Variants in NEUROG2 observed in about 807,000 individuals in gnomAD.
The protein encoded by NEUROG2 is neurogenin 2.
Under a neutral mutation model 2.8 loss-of-function variants are expected in NEUROG2, and 1 was observed. The observed-to-expected ratio is 0.36, with a 90% CI of 0.13 to 1.71. The LOEUF (loss-of-function observed/expected upper bound fraction) is 1.71, where lower values mean the gene tolerates loss of function less well. Among genes scored for constraint, NEUROG2 ranks in the 40% most tolerant of loss-of-function variants. NEUROG2 has a pLI of 0.34. For synonymous variants in NEUROG2, 211 were observed against 187.7 expected, an observed-to-expected ratio of 1.12 and a Z score of -1.01; for missense variants, 397 against 392.7, an observed-to-expected ratio of 1.01 and a Z score of -0.09.
At position 112,515,173 on chromosome 4, in the gene NEUROG2, C is replaced by T; in HGVS notation, c.303G>A (p.Lys101=). 1 of 1,612,922 alleles carries T rather than the reference C, an allele frequency of 6.2e-7. No homozygotes were observed. The change falls in exon 2 of 2, where the codon AAG becomes AAA. Residue 101 remains lysine, a synonymous_variant. Transcript: ENST00000313341. ...TGATGCGCTGCACCGTCTCGGCCGT[C>T]TTGGCGCCTCGGGAGACGGCCCGCG... The part of the protein sequence containing the change: ...SRARAVSRGA[K]TAETVQRIKK...
At position 112,515,338 on chromosome 4, in the gene NEUROG2, G is replaced by GTGTAGAT; in HGVS notation, c.137_138insATCTACA (p.Ala47SerfsTer14). The GTGTAGAT allele has an allele frequency of 1.4e-6, 2 of 1,446,032 alleles. No homozygotes were observed. Among genetic ancestry groups the GTGTAGAT allele is most frequent in the South Asian group, 1.6e-5 (1 of 63,520 alleles). The allele number at this position is 1,446,032 out of a possible 1,614,324, so 89.6% of individuals were successfully genotyped here. A position where few individuals can be genotyped will look rare whatever the true frequency, so the allele number is the denominator to read the frequency against. On this transcript the variant is annotated frameshift_variant, in exon 2 of 2. Coordinates refer to ENST00000313341, the MANE Select transcript of NEUROG2 (RefSeq NM_024019.4). LOFTEE classifies it low-confidence loss of function (END_TRUNC). ...GCTGCCGACGCGCCCCGCCTGACGCGCCCGGCTCCTCCTCCTCTTCTTCGT... is the reference window on the plus strand; with the variant it reads ...GCTGCCGACGCGCCCCGCCTGACGCGTGTAGATCCCGGCTCCTCCTCCTCTTCTTCGT...
rs372471017 is a variant in NEUROG2, at chr4:112,514,707, C to G, written c.769G>C (p.Asp257His). 1 of 1,518,018 alleles carries G rather than the reference C, an allele frequency of 6.6e-7. No homozygotes were observed. The highest frequency in any genetic ancestry group is 2.3e-5 in the Admixed American group (1 of 43,928). 94.0% of individuals were successfully genotyped at this position (1,518,018 alleles called of 1,614,324 possible). ...AGGTGAGGTGCATAGCGGTGCTTGT[C>G]GGGAGGTGGGGGCTGCCAATAGTCC... ...DMDYWQPPPP[D>H]KHRYAPHLPI... Residue 257 changes from aspartate (D) to histidine (H), a missense_variant, in exon 2 of 2, where the codon GAC (aspartate) becomes CAC (histidine). Coordinates refer to ENST00000313341, the MANE Select transcript of NEUROG2 (RefSeq NM_024019.4).
rs1736378196 is a variant in NEUROG2, at chr4:112,514,452, G to GT, written c.*204dup. 2.3e-6 allele frequency: 1 copy of GT among 434,514 alleles called. No homozygotes were observed. The highest frequency in any genetic ancestry group is 2.0e-5 in the African/African-American group (1 of 49,000). 26.9% of individuals were successfully genotyped at this position (434,514 alleles called of 1,614,324 possible). A position where few individuals can be genotyped will look rare whatever the true frequency, so the allele number is the denominator to read the frequency against. On this transcript the variant is annotated 3_prime_UTR_variant, in exon 2 of 2. Transcript: ENST00000313341. ...GACAATAAGCTCCATCACACCTTCAGTAAATCAGAGCCCGTCTGAATGAAG... is the reference window on the plus strand; with the variant it reads ...GACAATAAGCTCCATCACACCTTCAGTTAAATCAGAGCCCGTCTGAATGAAG...
At position 112,516,123 on chromosome 4, in the gene NEUROG2, C is replaced by T. The variant is rs1262782168; in HGVS notation, c.-278G>A. The T allele has an allele frequency of 6.5e-6, 1 of 153,118 alleles. No individual in the cohort carries two copies. The highest frequency in any genetic ancestry group is 2.4e-5 in the African/African-American group (1 of 41,448). 9.5% of individuals were successfully genotyped at this position (153,118 alleles called of 1,614,324 possible). A position where few individuals can be genotyped will look rare whatever the true frequency, so the allele number is the denominator to read the frequency against. On this transcript the variant is annotated 5_prime_UTR_variant, in exon 1 of 2. Coordinates refer to ENST00000313341, the MANE Select transcript of NEUROG2 (RefSeq NM_024019.4). ...TGGCCGTGCGGCTCCTGGCACGCGACTCCCAGGCACTCCAGTTAACGCGAA... is the reference window on the plus strand; with the variant it reads ...TGGCCGTGCGGCTCCTGGCACGCGATTCCCAGGCACTCCAGTTAACGCGAA...
At position 112,515,029 on chromosome 4, in the gene NEUROG2, G is replaced by A. The variant is rs1211176989; in HGVS notation, c.447C>T (p.Thr149=). 6.2e-7 allele frequency: 1 copy of A among 1,613,880 alleles called. No individual in the cohort carries two copies. Among genetic ancestry groups the A allele is most frequent in the Non-Finnish European group, 8.5e-7 (1 of 1,179,926 alleles). Residue 149 remains threonine, a synonymous_variant, in exon 2 of 2, where the codon ACC becomes ACT. Coordinates refer to ENST00000313341, the MANE Select transcript of NEUROG2 (RefSeq NM_024019.4). The stretch of plus-strand genomic sequence containing the variant: ...GGGCGAAGCGCAGGGTCTCGATCTT[G>A]GTGAGCTTGGCGTCCTCGGGGAACG... ...LPTFPEDAKL[T]KIETLRFAHN... is the part of the protein sequence containing the mutation.
chr4:112,515,081 A>G lies in NEUROG2; in HGVS notation c.395T>C (p.Leu132Pro), dbSNP rs1359826155. The stretch of plus-strand genomic sequence containing the variant: ...GGGGAGCACCTCGCGCAGCGCGTCC[A>G]GTGCCGCGTTGAGGTTGTGCATGCG... ...RNRMHNLNAA[L>P]DALREVLPTF... is the part of the protein sequence containing the mutation. Residue 132 changes from leucine (L) to proline (P), a missense_variant, in exon 2 of 2, where the codon CTG becomes CCG. By Grantham distance (98) the Leu-to-Pro change is moderately conservative (BLOSUM62 -3). Transcript: ENST00000313341. The G allele has an allele frequency of 6.2e-7, 1 of 1,613,956 alleles. No individual in the cohort carries two copies. The highest frequency in any genetic ancestry group is 8.5e-7 in the Non-Finnish European group (1 of 1,179,908).
intron 1 of NEUROG2, 91 bp downstream of exon 1, chr4:112,515,756 A>T (rs1037345386): frequency 3.5e-6 from 1 of 287,106 alleles, no homozygotes; most frequent in Non-Finnish European, 6.5e-6. Context: ...CGCGACAAAG[A>T]TTCTGCGCGG....
At position 112,514,131 on chromosome 4, in the gene NEUROG2, C is replaced by T. The variant is rs1280830909; in HGVS notation, c.*526G>A. On this transcript the variant is annotated 3_prime_UTR_variant, in exon 2 of 2. Coordinates refer to ENST00000313341, the MANE Select transcript of NEUROG2 (RefSeq NM_024019.4). ...GACAGCAATGGGAATAAAGCAGATG[C>T]CAGCCATTGCAAATCTGTGGATAAT... The T allele has an allele frequency of 1.3e-5, 2 of 153,162 alleles. No individual in the cohort carries two copies. The highest frequency in any genetic ancestry group is 1.9e-4 in the East Asian group (1 of 5,212). 9.5% of individuals were successfully genotyped at this position (153,162 alleles called of 1,614,324 possible).
At chr4:112,515,580 CCA>C (rs1736423317) in intron 1 of NEUROG2, 104 bp from the exon 2 acceptor site, 2 of 991,386 alleles carry the variant, frequency 2.0e-6, no homozygotes, top group Non-Finnish European at 2.8e-6. Flanking sequence ...CCCGAGAAGA[CCA>C]GCTCCGAATG....
rs141723232 is a variant in NEUROG2 at position 112,514,877 on chromosome 4, G to A, written c.599C>T (p.Ala200Val). The change falls in exon 2 of 2, where the codon GCC becomes GTC. Residue 200 changes from alanine (A) to valine (V), a missense_variant. By Grantham distance (64) the Ala-to-Val change is moderately conservative. Coordinates refer to ENST00000313341, the MANE Select transcript of NEUROG2 (RefSeq NM_024019.4). The part of the protein sequence containing the change: ...VLLSPGGASA[A>V]LSSSGDSPSP... The stretch of plus-strand genomic sequence containing the variant: ...GGGGCTGTCTCCGCTGCTGCTCAGG[G>A]CGGCGCTGGCTCCTCCCGGGCTCAG... 17 of 1,600,526 alleles carry A rather than the reference G, an allele frequency of 1.1e-5. No homozygotes were observed. The highest frequency in any genetic ancestry group is 9.4e-5 in the African/African-American group (7 of 74,386).
At position 112,514,632 on chromosome 4, in the gene NEUROG2, G is replaced by T; in HGVS notation, c.*25C>A. 1 of 1,487,720 alleles carries T rather than the reference G, an allele frequency of 6.7e-7. No individual in the cohort carries two copies. The highest frequency in any genetic ancestry group is 8.9e-7 in the Non-Finnish European group (1 of 1,119,388). The allele number at this position is 1,487,720 out of a possible 1,614,324, so 92.2% of individuals were successfully genotyped here. On this transcript the variant is annotated 3_prime_UTR_variant, in exon 2 of 2. Transcript: ENST00000313341. ...CAGGAAAGGGAACCCACTAAGGCCT[G>T]GCGTGGGTAGCAGAAATGGCAGCTC...
chr4:112,514,043 C>G lies in NEUROG2; in HGVS notation c.*614G>C, dbSNP rs1736367852. On this transcript the variant is annotated 3_prime_UTR_variant, in exon 2 of 2. Coordinates refer to ENST00000313341, the MANE Select transcript of NEUROG2 (RefSeq NM_024019.4). ...TAGGCATTGTGACGAATCTGGGAAACAGAACAAAGTGCACATCAGAGAGGG... is the reference window on the plus strand; with the variant it reads ...TAGGCATTGTGACGAATCTGGGAAAGAGAACAAAGTGCACATCAGAGAGGG... 6.6e-6 allele frequency: 1 copy of G among 152,598 alleles called. No homozygotes were observed. The highest frequency in any genetic ancestry group is 2.1e-4 in the South Asian group (1 of 4,822). The allele number at this position is 152,598 out of a possible 1,614,324, so 9.5% of individuals were successfully genotyped here.
chr4:112,515,668 G>A, intron 1 of NEUROG2, 179 bp downstream of exon 1: 1 of 422,296 alleles, frequency 2.4e-6, no homozygotes, highest in Non-Finnish European at 4.1e-6. Flanking sequence ...CGCTCGCTGT[G>A]ACCCTGCTGC....
Position 112,514,291 on chromosome 4 carries a change from A to C in NEUROG2, c.*366T>G, listed in dbSNP as rs1174209272. On this transcript the variant is annotated 3_prime_UTR_variant, in exon 2 of 2. Transcript: ENST00000313341. ...CCCCTGTGAGATTCACACGAACTGCACCAAGTCCTTCGGCGTTAAAGAGAA... is the reference window on the plus strand; with the variant it reads ...CCCCTGTGAGATTCACACGAACTGCCCCAAGTCCTTCGGCGTTAAAGAGAA... 4.4e-6 allele frequency: 1 copy of C among 225,718 alleles called. No individual in the cohort carries two copies. The highest frequency in any genetic ancestry group is 9.0e-5 in the East Asian group (1 of 11,054). 14.0% of individuals were successfully genotyped at this position (225,718 alleles called of 1,614,324 possible). A position where few individuals can be genotyped will look rare whatever the true frequency, so the allele number is the denominator to read the frequency against.
In NEUROG2 at chr4:112,514,957, G is replaced by A. The variant is rs1424644643; in HGVS notation, c.519C>T (p.His173=). 6.2e-7 allele frequency: 1 copy of A among 1,612,874 alleles called. No homozygotes were observed. Among genetic ancestry groups the A allele is most frequent in the African/African-American group, 1.3e-5 (1 of 74,820 alleles). ...ALTETLRLAD[H]CGGGGGGLPG... is the part of the protein sequence containing the mutation. ...GCAGGCCCCCGCCGCCGCCCCCGCA[G>A]TGATCCGCCAGGCGCAGGGTCTCGG... Residue 173 remains histidine, a synonymous_variant, in exon 2 of 2, where the codon CAC becomes CAT. Transcript: ENST00000313341.
Position 112,515,209 on chromosome 4 carries a change from G to T in NEUROG2, c.267C>A (p.Arg89=). The change falls in exon 2 of 2, where the codon CGC becomes CGA. Residue 89 remains arginine (R), a synonymous_variant. Transcript: ENST00000313341. ...LLGLVHDCKR[R]PSRARAVSRG... is the part of the protein sequence containing the mutation. ...GGGAGACGGCCCGCGCCCGGGAAGG[G>T]CGCCGTTTGCAATCGTGTACCAGAC... 1.2e-6 allele frequency: 2 copies of T among 1,608,064 alleles called. No homozygotes were observed. Among genetic ancestry groups the T allele is most frequent in the Non-Finnish European group, 1.7e-6 (2 of 1,179,564 alleles).
In NEUROG2 at chr4:112,514,509, C is replaced by T. The variant is rs1736379379; in HGVS notation, c.*148G>A. 1.9e-6 allele frequency: 1 copy of T among 539,316 alleles called. No individual in the cohort carries two copies. The highest frequency in any genetic ancestry group is 2.9e-6 in the Non-Finnish European group (1 of 339,704). The allele number at this position is 539,316 out of a possible 1,614,324, so 33.4% of individuals were successfully genotyped here. A position where few individuals can be genotyped will look rare whatever the true frequency, so the allele number is the denominator to read the frequency against. ...CAAAGCCAAGAAATGCAAGAAACAA[C>T]CGAGGAATCAGAAAGGCTACACCTG... On this transcript the variant is annotated 3_prime_UTR_variant, in exon 2 of 2. Coordinates refer to ENST00000313341, the MANE Select transcript of NEUROG2 (RefSeq NM_024019.4).
At chr4:112,515,561 C>A in intron 1 of NEUROG2, 85 bp from the exon 2 acceptor site, 1 of 1,214,546 alleles carries the variant, frequency 8.2e-7, no homozygotes, top group South Asian at 1.8e-5. Context: ...GGGCGTGCTC[C>A]GGCGCGCACC....
rs1441659337 is a variant in NEUROG2, at chr4:112,515,282, C to T, written c.194G>A (p.Gly65Asp). Residue 65 changes from glycine (G) to aspartate (D), a missense_variant, in exon 2 of 2, where the codon GGC (glycine) becomes GAC (aspartate). Transcript: ENST00000313341. ...GCCCTCCGCACCCGCAGCCACGCCG[C>T]CCCGCGCCCCCTGCCCGGCCTCAGC... ...RGAEAGQGARGGVAAGAEGCR... is the reference protein window; with the variant it reads ...RGAEAGQGARDGVAAGAEGCR... 4.7e-6 allele frequency: 7 copies of T among 1,492,756 alleles called. No homozygotes were observed. The highest frequency in any genetic ancestry group is 5.3e-6 in the Non-Finnish European group (6 of 1,130,818). 92.5% of individuals were successfully genotyped at this position (1,492,756 alleles called of 1,614,324 possible). A position where few individuals can be genotyped will look rare whatever the true frequency, so the allele number is the denominator to read the frequency against.
Sources: allele counts gnomAD v4.1 joint callset, GRCh38; gene constraint gnomAD v4.1.1; transcripts MANE v1.5; gene names NCBI Gene and HGNC (gene_info 2026-07-23, HGNC 2026-07-21).